NIPAL2: variants seen among roughly 807,000 people sequenced by gnomAD.
NIPAL2 encodes the protein NIPA like domain containing 2.
A neutral mutation model predicts 48.9 loss-of-function variants in NIPAL2; 43 were observed. The ratio of observed to expected loss-of-function variants is 0.88; its 90% confidence interval spans 0.69 to 1.13. The LOEUF (loss-of-function observed/expected upper bound fraction) is 1.13, where lower values mean the gene tolerates loss of function less well. Ranked by LOEUF, NIPAL2 falls within the 50% of genes most tolerant of loss-of-function variation. The probability of loss-of-function intolerance (pLI) is 0.00; values close to 1 mark genes in which losing one functional copy is unlikely to be tolerated. For missense variants in NIPAL2, 446 were observed against 461.4 expected (o/e 0.97, Z 0.31); for synonymous variants, 167 against 174.6 (o/e 0.96, Z 0.34).
Position 98,205,178 on chromosome 8 carries a change from G to A in NIPAL2, c.724C>T (p.Gln242Ter), listed in dbSNP as rs770390045. 6.2e-7 allele frequency: 1 copy of A among 1,612,626 alleles called. No homozygotes were observed. The highest frequency in any genetic ancestry group is 1.1e-5 in the South Asian group (1 of 91,042). Residue 242 changes from glutamine (Q) to a stop codon, truncating the protein, a stop_gained, in exon 7 of 11, where the codon CAA (glutamine) becomes TAA (stop). Transcript: ENST00000430223. LOFTEE classifies it high-confidence loss of function. ...ATATAGAAAATGGGGTAAGTTAGTT[G>A]CATTTTATCCATCACAGAAAAAGTG... Reference protein sequence around the residue: ...MITFSVMDKMQLTYPIFYIMF... With the variant: ...MITFSVMDKM
intron 1 of NIPAL2, among the ~76,000 whole-genome samples, chr8:98,259,220 G>T (rs1016877255): frequency 2.0e-5 from 3 of 150,310 alleles, no homozygotes; most frequent in Non-Finnish European, 4.4e-5. Flanking sequence ...GGGACTACAG[G>T]CGCGCGCCAC....
intron 10 of NIPAL2, chr8:98,193,464 A>G (rs891939916): frequency 6.3e-7 from 1 of 1,575,922 alleles, no homozygotes. Context: ...AGCCTTTGAT[A>G]GTGACTTCTA....
intron 3 of NIPAL2, among the ~76,000 whole-genome samples, chr8:98,248,057 A>T (rs1023364249): frequency 6.6e-6 from 1 of 152,224 alleles, no homozygotes; most frequent in Non-Finnish European, 1.5e-5. Flanking sequence ...TTCCTCTGAC[A>T]AACTCCTGTA....
At position 98,281,790 on chromosome 8, in the gene NIPAL2, G is replaced by T. The variant is rs1387686110; in HGVS notation, c.135+12213C>A. Among the ~76,000 whole-genome samples the T allele has an allele frequency of 3.3e-5, 5 of 152,326 alleles. No individual in the cohort carries two copies. The East Asian group carries it at 9.6e-4, about 29-fold the overall frequency. On this transcript the variant is annotated intron_variant, in intron 1 of 10. Transcript: ENST00000430223. ...AGAGTACAAATCTGTCTAGGGTAGG[G>T]ACTGTACTTGTTTGCTGTGGCCGTT... is the stretch of plus-strand genomic sequence containing the variant.
intron 1 of NIPAL2, among the ~76,000 whole-genome samples, chr8:98,287,533 T>TATG: frequency 6.6e-6 from 1 of 152,322 alleles, no homozygotes; most frequent in Middle Eastern, 3.4e-3. Flanking sequence ...CCATTTGCAA[T>TATG]GAGCTGAGTC....
At chr8:98,225,873 C>T (rs896727586) in intron 4 of NIPAL2, among the ~76,000 whole-genome samples, 2 of 152,032 alleles carry the variant, frequency 1.3e-5, no homozygotes, top group Non-Finnish European at 2.9e-5. Context: ...AGGCTATTTC[C>T]TAGATCTTGT....
chr8:98,281,046 T>C (rs1404483849), intron 1 of NIPAL2, among the ~76,000 whole-genome samples: 2 of 151,420 alleles, frequency 1.3e-5, no homozygotes, highest in Non-Finnish European at 2.9e-5. Context: ...CAAGAAAAGA[T>C]GTTAAGGAGA....
intron 1 of NIPAL2, among the ~76,000 whole-genome samples, chr8:98,292,201 C>A (rs1454679640): frequency 6.6e-6 from 1 of 152,144 alleles, no homozygotes; most frequent in East Asian, 1.9e-4. Flanking sequence ...TTTCTGTATC[C>A]ACACCCATTT....
intron 3 of NIPAL2, among the ~76,000 whole-genome samples, chr8:98,250,823 A>G (rs1813548406): frequency 6.6e-6 from 1 of 152,110 alleles, no homozygotes; most frequent in Non-Finnish European, 1.5e-5. Context: ...TCAGGTTTCG[A>G]TGAGAGCTTG....
intron 1 of NIPAL2, among the ~76,000 whole-genome samples, chr8:98,274,865 A>G (rs1349040557): frequency 6.6e-6 from 1 of 151,914 alleles, no homozygotes; most frequent in Non-Finnish European, 1.5e-5. Flanking sequence ...TCTTTCCTAT[A>G]TCCTGTTAGA....
At chr8:98,210,822 C>G (rs1000345982) in intron 6 of NIPAL2, among the ~76,000 whole-genome samples, 2 of 152,194 alleles carry the variant, frequency 1.3e-5, no homozygotes, top group African/African-American at 4.8e-5. Context: ...TTAATATCTT[C>G]TGCCTTAATT....
At chr8:98,206,986 A>G (rs772240019) in intron 6 of NIPAL2, among the ~76,000 whole-genome samples, 3 of 152,160 alleles carry the variant, frequency 2.0e-5, no homozygotes, top group Non-Finnish European at 2.9e-5. Context: ...TTAAATATCT[A>G]TAGAGATCTG....
intron 3 of NIPAL2, among the ~76,000 whole-genome samples, chr8:98,236,588 T>G (rs891105562): frequency 6.6e-6 from 1 of 152,036 alleles, no homozygotes; most frequent in African/African-American, 2.4e-5. Context: ...TGGGGCAGGG[T>G]GCAGTGGATC....
chr8:98,261,770 AC>A (rs1814351219), intron 1 of NIPAL2, among the ~76,000 whole-genome samples: 1 of 150,366 alleles, frequency 6.7e-6, no homozygotes, highest in African/African-American at 2.5e-5. Context: ...TTCAGGAAAT[AC>A]AGAGAACACC....
chr8:98,195,817 A>G, intron 9 of NIPAL2, 125 bp downstream of exon 9: 1 of 631,118 alleles, frequency 1.6e-6, no homozygotes. Flanking sequence ...TGTTTCTTTT[A>G]GGAGCTCAGG....
Position 98,261,106 on chromosome 8 carries a change from T to A in NIPAL2, c.136-7019A>T, listed in dbSNP as rs1814295380. On this transcript the variant is annotated intron_variant, in intron 1 of 10. Transcript: ENST00000430223. ...GGAAAACTAACAAACAGAAAGGACATCCACACCAAAAACCCATCTGTACAT... is the reference window on the plus strand; with the variant it reads ...GGAAAACTAACAAACAGAAAGGACAACCACACCAAAAACCCATCTGTACAT... 2.0e-5 allele frequency among the ~76,000 whole-genome samples: 3 copies of A among 150,974 alleles called. No individual in the cohort carries two copies. In the South Asian group the frequency reaches 6.3e-4, roughly 32 times the overall value.
intron 2 of NIPAL2, among the ~76,000 whole-genome samples, chr8:98,253,282 G>T (rs1410193763): frequency 6.6e-6 from 1 of 152,034 alleles, no homozygotes. Flanking sequence ...ACATCCACTG[G>T]GAGTCTTGCA....
chr8:98,209,485 C>T (rs1811207593), intron 6 of NIPAL2, among the ~76,000 whole-genome samples: 1 of 149,148 alleles, frequency 6.7e-6, no homozygotes, highest in South Asian at 2.1e-4. Context: ...AGGCATGATG[C>T]CACGCATCTG....
chr8:98,218,525 G>A (rs1262508254), intron 5 of NIPAL2, among the ~76,000 whole-genome samples: 2 of 152,150 alleles, frequency 1.3e-5, no homozygotes, highest in Non-Finnish European at 2.9e-5. Flanking sequence ...AGTGGTGAGG[G>A]GAAGAGCTAG....
Sources: allele counts gnomAD v4.1 joint callset (sites outside exome capture counted in the v4.1 genomes callset), GRCh38; gene constraint gnomAD v4.1.1; transcripts MANE v1.5; gene names NCBI Gene and HGNC (gene_info 2026-07-23, HGNC 2026-07-21).